Variants in FILIP1L observed in about 807,000 individuals in gnomAD.
FILIP1L encodes the protein filamin A-interacting protein 1-like.
In FILIP1L, 55 loss-of-function variants were observed where a neutral mutation model predicts 96.6. The ratio of observed to expected loss-of-function variants is 0.57; its 90% CI spans 0.46 to 0.71. FILIP1L has a LOEUF of 0.71. FILIP1L is among the 30% of genes least tolerant of loss of function. FILIP1L has a pLI of 0.00. For synonymous variants in FILIP1L, 467 were observed against 473.9 expected (o/e 0.99, Z 0.19); for missense variants, 1,304 against 1,321.2 (o/e 0.99, Z 0.20).
intron 4 of FILIP1L, among the ~76,000 whole-genome samples, chr3:99,921,743 CTTAAG>C (rs779116992): frequency 6.6e-6 from 1 of 152,160 alleles, no homozygotes; most frequent in Non-Finnish European, 1.5e-5. Context: ...AAAGTAATCT[CTTAAG>C]TTCTTTCTCT....
At chr3:99,930,605 C>T (rs1707446887) in intron 2 of FILIP1L, among the ~76,000 whole-genome samples, 164 bp downstream of exon 2, 1 of 152,156 alleles carries the variant, frequency 6.6e-6, no homozygotes, top group African/African-American at 2.4e-5. Flanking sequence ...ATTAATTGCA[C>T]TTTGAGTTGG....
chr3:99,848,539 C>T lies in FILIP1L; in HGVS notation c.3137G>A (p.Arg1046His), dbSNP rs374311994. The change falls in exon 5 of 6, where the codon CGT (arginine) becomes CAT (histidine). Residue 1046 changes from arginine to histidine, a missense_variant. Transcript: ENST00000477258. The stretch of plus-strand genomic sequence containing the variant: ...CACACTTGAGCTATTGCTGTTTGAA[C>T]GCTGAAACTGCCATGATGACTGCCG... ...PDRQSSWQFQ[R>H]SNSNSSSVIT... 5.2e-5 allele frequency: 84 copies of T among 1,614,202 alleles called. No individual in the cohort carries two copies. In the Middle Eastern group the frequency reaches 9.9e-4, roughly 19 times the overall value.
At chr3:99,991,856 G>A (rs527737553) in intron 1 of FILIP1L, among the ~76,000 whole-genome samples, 6 of 148,008 alleles carry the variant, frequency 4.1e-5, no homozygotes, top group Non-Finnish European at 9.0e-5. Flanking sequence ...GTGTGTGTGT[G>A]TATGTGTATA....
At chr3:99,968,391 T>G (rs1708716607) in intron 1 of FILIP1L, among the ~76,000 whole-genome samples, 1 of 150,762 alleles carries the variant, frequency 6.6e-6, no homozygotes. Flanking sequence ...TGTTGAATAG[T>G]AGTATGAAGT....
chr3:99,867,021 G>C (rs1226776822), intron 4 of FILIP1L, among the ~76,000 whole-genome samples: 2 of 152,190 alleles, frequency 1.3e-5, no homozygotes, highest in Non-Finnish European at 2.9e-5. Flanking sequence ...ATACTGAGAA[G>C]ACAGAAAATG....
intron 1 of FILIP1L, among the ~76,000 whole-genome samples, chr3:99,954,561 C>A (rs1322975055): frequency 6.6e-6 from 1 of 152,184 alleles, no homozygotes; most frequent in Non-Finnish European, 1.5e-5. Context: ...CACAGTGGCT[C>A]ACACCTGTAA....
intron 1 of FILIP1L, among the ~76,000 whole-genome samples, chr3:100,089,648 T>G (rs1265274032): frequency 6.6e-6 from 1 of 152,236 alleles, no homozygotes; most frequent in African/African-American, 2.4e-5. Context: ...ACTGAATCAC[T>G]TTACTGATGT....
intron 1 of FILIP1L, among the ~76,000 whole-genome samples, chr3:99,948,480 G>A (rs1708077612): frequency 6.9e-6 from 1 of 145,542 alleles, no homozygotes; most frequent in Non-Finnish European, 1.5e-5. Context: ...AGAATTGGAG[G>A]TTACAGTGAG....
chr3:100,061,269 A>G (rs1054032491), intron 1 of FILIP1L, among the ~76,000 whole-genome samples: 2 of 152,254 alleles, frequency 1.3e-5, no homozygotes, highest in Admixed American at 1.3e-4. Flanking sequence ...TGTTTGTGTA[A>G]TGAGAGGCTC....
chr3:99,984,193 GTGATTGTT>G (rs1482404944), intron 1 of FILIP1L, among the ~76,000 whole-genome samples: 1 of 152,090 alleles, frequency 6.6e-6, no homozygotes, highest in Non-Finnish European at 1.5e-5. Context: ...AAATTGGAAT[GTGATTGTT>G]TGAGAGCCAA....
At chr3:99,832,995 A>C (rs28728176) in intron 5 of FILIP1L, 1 of 496,824 alleles carries the variant, frequency 2.0e-6, no homozygotes, top group Non-Finnish European at 3.5e-6. Context: ...AGTTTTGTCC[A>C]AATTTGGAAT....
At position 99,990,306 on chromosome 3, in the gene FILIP1L, A is replaced by G. The variant is rs114097639; in HGVS notation, c.-10-59276T>C. 4.6e-3 allele frequency among the ~76,000 whole-genome samples: 694 copies of G among 152,336 alleles called. 7 individuals are homozygous for G. The highest frequency in any genetic ancestry group is 0.016 in the African/African-American group (677 of 41,574). ...TATCAGGGCTTGAACCAGAAGCCAC[A>G]GATTGCCAACTGAACCATGGCACCC... On this transcript the variant is annotated intron_variant, in intron 1 of 5. Transcript: ENST00000477258.
chr3:99,908,510 A>T (rs1706692519), intron 4 of FILIP1L, among the ~76,000 whole-genome samples: 1 of 152,202 alleles, frequency 6.6e-6, no homozygotes, highest in African/African-American at 2.4e-5. Flanking sequence ...AATAATGATG[A>T]TCACTTAGGT....
chr3:100,016,317 C>T (rs1356515875), intron 1 of FILIP1L, among the ~76,000 whole-genome samples: 4 of 152,088 alleles, frequency 2.6e-5, no homozygotes, highest in African/African-American at 4.8e-5. Flanking sequence ...CTCAGCCTCC[C>T]GAGTAGGTGG....
chr3:100,074,316 C>T (rs2065811925), intron 1 of FILIP1L, among the ~76,000 whole-genome samples: 1 of 152,164 alleles, frequency 6.6e-6, no homozygotes, highest in African/African-American at 2.4e-5. Context: ...TTGCTGAATC[C>T]CTACACTCTG....
intron 1 of FILIP1L, among the ~76,000 whole-genome samples, chr3:99,974,678 G>T (rs1453391990): frequency 6.6e-6 from 1 of 152,100 alleles, no homozygotes; most frequent in Admixed American, 6.5e-5. Context: ...TTGCACTCCA[G>T]CCTGAGTAAC....
At chr3:100,108,340 A>G (rs1344510103) in intron 1 of FILIP1L, among the ~76,000 whole-genome samples, 1 of 152,178 alleles carries the variant, frequency 6.6e-6, no homozygotes, top group East Asian at 1.9e-4. Context: ...GATAATGATA[A>G]TAACAGCCTC....
At chr3:99,903,963 G>A (rs1706527708) in intron 4 of FILIP1L, among the ~76,000 whole-genome samples, 1 of 152,168 alleles carries the variant, frequency 6.6e-6, no homozygotes, top group Admixed American at 6.5e-5. Flanking sequence ...ATAGAAACAA[G>A]CCCAAGCTAA....
intron 4 of FILIP1L, among the ~76,000 whole-genome samples, chr3:99,893,561 T>G (rs1053174482): frequency 2.0e-5 from 3 of 152,208 alleles, no homozygotes; most frequent in African/African-American, 7.2e-5. Flanking sequence ...AGACTAGATT[T>G]TGGTTTTTTA....
Sources: gnomAD v4.1 joint callset for allele counts (sites outside exome capture counted in the v4.1 genomes callset) on GRCh38, gnomAD v4.1.1 for gene constraint, MANE v1.5 for transcripts, NCBI Gene and HGNC (gene_info 2026-07-23, HGNC 2026-07-21) for gene names.